The following WIZ variants were observed in gnomAD, a reference collection of about 807,000 sequenced individuals.
WIZ encodes the protein protein Wiz.
WIZ carries 25 observed loss-of-function variants against 140.2 expected under a neutral mutation model. The observed-to-expected ratio is 0.18, with a 90% confidence interval of 0.13 to 0.25. The LOEUF is 0.25. Ranked by LOEUF, WIZ falls within the 10% of genes least tolerant of loss-of-function variation. The pLI is 1.00. For missense variants in WIZ, 2,231 were observed against 2,632.6 expected (o/e 0.85, Z 3.34); for synonymous variants, 1,125 against 1,154.3 (o/e 0.97, Z 0.51).
Position 15,440,488 on chromosome 19 carries a change from C to A in WIZ, c.506G>T (p.Gly169Val), listed in dbSNP as rs975492324. ...ATGTTTCTCCAAAAGCCTTGGTTCCCCCCGGTGGTGTAAGAACCTTCTAGA... is the reference window on the plus strand; with the variant it reads ...ATGTTTCTCCAAAAGCCTTGGTTCCACCCGGTGGTGTAAGAACCTTCTAGA... ...EGSRRFLHHR[G>V]EPRLLEKHAQ... The change falls in exon 4 of 13, where the codon GGG (glycine) becomes GTG (valine). Residue 169 changes from glycine to valine, a missense_variant. Physicochemically the swap from Gly to Val is moderately radical, Grantham distance 109. Transcript: ENST00000673675. This position sits in a 1 kb window ranked among gnomAD's most constrained non-coding sequence, Gnocchi z 6.2. The A allele has an allele frequency of 2.0e-6, 3 of 1,536,092 alleles. No homozygotes were observed. Among genetic ancestry groups the A allele is most frequent in the Non-Finnish European group, 1.7e-6 (2 of 1,146,888 alleles).
At position 15,441,150 on chromosome 19, in the gene WIZ, C is replaced by A. The variant is rs146102346; in HGVS notation, c.279-435G>T. 2.9e-3 allele frequency among the ~76,000 whole-genome samples: 438 copies of A among 152,318 alleles called. 2 individuals carry two copies. The highest frequency in any genetic ancestry group is 4.7e-3 in the Non-Finnish European group (317 of 68,020). The stretch of plus-strand genomic sequence containing the variant: ...TTGCTAATTTAGTTTCACCTCTCCC[C>A]CAGATTTGGCGATTAACTTTGTGGC... On this transcript the variant is annotated intron_variant, in intron 3 of 12. Transcript: ENST00000673675.
Position 15,437,061 on chromosome 19 carries a change from G to A in WIZ, c.2485C>T (p.Arg829Trp). Residue 829 changes from arginine (R) to tryptophan (W), a missense_variant, in exon 5 of 13, where the codon CGG (arginine) becomes TGG (tryptophan). By Grantham distance (101) the Arg-to-Trp change is moderately radical. This residue lies in a region of WIZ where 118 missense variants were observed against 209.1 expected (regional missense o/e 0.56). Coordinates refer to ENST00000673675, the MANE Select transcript of WIZ (RefSeq NM_001371589.1). ...CGGGCGTGGCTGGAGAGGCCGGCCC[G>A]TGTGTCGAAGCCAGCCCCGCAGAAG... ...CDFCGAGFDT[R>W]AGLSSHARAH... The A allele has an allele frequency of 6.2e-7, 1 of 1,613,194 alleles. No individual in the cohort carries two copies. The highest frequency in any genetic ancestry group is 8.5e-7 in the Non-Finnish European group (1 of 1,179,668).
chr19:15,436,934 G>C lies in WIZ; in HGVS notation c.2612C>G (p.Pro871Arg). The C allele has an allele frequency of 6.2e-7, 1 of 1,613,564 alleles. No individual in the cohort carries two copies. The highest frequency in any genetic ancestry group is 1.1e-5 in the South Asian group (1 of 91,012). The change falls in exon 5 of 13, where the codon CCC (proline) becomes CGC (arginine). Residue 871 changes from proline (P) to arginine (R), a missense_variant. This residue lies in a region of WIZ where 137 missense variants were observed against 135.8 expected (regional missense o/e 1.01). Coordinates refer to ENST00000673675, the MANE Select transcript of WIZ (RefSeq NM_001371589.1). ...LLATSAAEQP[P>R]SPLGREPGGP... The stretch of plus-strand genomic sequence containing the variant: ...CCCAGGCTCTCGGCCCAGGGGGCTG[G>C]GGGGCTGCTCAGCAGCAGAGGTGGC...
chr19:15,449,660 G>A (rs1007621410), intron 1 of WIZ, 138 bp downstream of exon 1: 3 of 126,422 alleles, frequency 2.4e-5, no homozygotes, highest in African/African-American at 5.9e-5. Flanking sequence ...CCCGCCCCCG[G>A]CCAGGCCCCG....
chr19:15,440,445 C>T lies in WIZ; in HGVS notation c.549G>A (p.Arg183=). ...LLEKHAQGRP[R]FDWLQDEDEQ... Reference sequence around the variant, plus strand: ...CGTCCTCATCTTGGAGCCAGTCGAACCTGGGGCGGCCCTGGGCATGTTTCT... The same window carrying T: ...CGTCCTCATCTTGGAGCCAGTCGAATCTGGGGCGGCCCTGGGCATGTTTCT... The change falls in exon 4 of 13, where the codon AGG becomes AGA. Residue 183 remains arginine (R), a synonymous_variant. Coordinates refer to ENST00000673675, the MANE Select transcript of WIZ (RefSeq NM_001371589.1). This position sits in a 1 kb window ranked among gnomAD's most constrained non-coding sequence, Gnocchi z 6.2. 5.2e-6 allele frequency: 8 copies of T among 1,536,106 alleles called. No homozygotes were observed. Among genetic ancestry groups the T allele is most frequent in the Non-Finnish European group, 7.0e-6 (8 of 1,146,882 alleles).
intron 2 of WIZ, among the ~76,000 whole-genome samples, chr19:15,444,852 C>T (rs1446691143): frequency 6.6e-6 from 1 of 152,204 alleles, no homozygotes; most frequent in African/African-American, 2.4e-5. Flanking sequence ...GGTTCTAGGA[C>T]CCCAAGCTCC....
At position 15,422,993 on chromosome 19, in the gene WIZ, G is replaced by A; in HGVS notation, c.*83C>T. ...TGGCTTGCTCCTTTGGAAACGGAAA[G>A]AAAGAGGAAGAGGGACAAGGACACA... On this transcript the variant is annotated 3_prime_UTR_variant, in exon 13 of 13. Transcript: ENST00000673675. 2 of 1,537,750 alleles carry A rather than the reference G, an allele frequency of 1.3e-6. No homozygotes were observed. The highest frequency in any genetic ancestry group is 1.8e-6 in the Non-Finnish European group (2 of 1,142,750).
rs757239626 is a variant in WIZ, at chr19:15,427,498, C to T, written c.3850G>A (p.Glu1284Lys). 5 of 1,611,506 alleles carry T rather than the reference C, an allele frequency of 3.1e-6. No individual in the cohort carries two copies. The highest frequency in any genetic ancestry group is 2.2e-5 in the South Asian group (2 of 91,050). The change falls in exon 9 of 13, where the codon GAG (glutamate) becomes AAG (lysine). Residue 1284 changes from glutamate to lysine, a missense_variant. Around this residue, in one of 15 missense-constraint regions of WIZ, gnomAD observed 141 missense variants for 161.2 expected, o/e 0.87. Coordinates refer to ENST00000673675, the MANE Select transcript of WIZ (RefSeq NM_001371589.1). The surrounding 1 kb of genome is among the most constrained non-coding windows in gnomAD (Gnocchi z 6.4). ...GPEPARDIRC[E>K]FCGEFFENRK... ...TTCTCGAAGAACTCACCACAGAACT[C>T]GCAGCGGATGTCTCGTGCTGGCTCT...
At chr19:15,423,267 A>G (rs1968490744) in intron 12 of WIZ, 32 bp from the exon 13 acceptor site, 2 of 1,609,610 alleles carry the variant, frequency 1.2e-6, no homozygotes, top group South Asian at 1.1e-5. Context: ...GGGAGTGGCC[A>G]GTGCTGTGAG....
chr19:15,424,218 G>A lies in WIZ; in HGVS notation c.5475C>T (p.Val1825=). 1.3e-6 allele frequency: 2 copies of A among 1,570,570 alleles called. No homozygotes were observed. The highest frequency in any genetic ancestry group is 1.9e-5 in the Admixed American group (1 of 51,468). The change falls in exon 12 of 13, where the codon GTC becomes GTT. Residue 1825 remains valine (V), a synonymous_variant. Transcript: ENST00000673675. This position sits in a 1 kb window ranked among gnomAD's most constrained non-coding sequence, Gnocchi z 9.7. ...GGGTGTAGATGTTGCCCACGAACTT[G>A]ACAAGTGATGTCTGGGGGGGCCGGG... ...LVPRPPQTSL[V]KFVGNIYTLK...
rs1476360273 is a variant in WIZ at position 15,427,535 on chromosome 19, T to C, written c.3815-2A>G. Reference sequence around the variant, plus strand: ...CTCGTGCTGGCTCTGGGCCTGAGGCTGCAGCAGGAGGAGAAAGGGGCAGTT... The same window carrying C: ...CTCGTGCTGGCTCTGGGCCTGAGGCCGCAGCAGGAGGAGAAAGGGGCAGTT... On this transcript the variant is annotated splice_acceptor_variant, in intron 8 of 12. Transcript: ENST00000673675. LOFTEE classifies it high-confidence loss of function. The surrounding 1 kb of genome is among the most constrained non-coding windows in gnomAD (Gnocchi z 6.4). 1 of 1,602,310 alleles carries C rather than the reference T, an allele frequency of 6.2e-7. No homozygotes were observed. The highest frequency in any genetic ancestry group is 1.7e-5 in the Admixed American group (1 of 59,788).
intron 5 of WIZ, among the ~76,000 whole-genome samples, chr19:15,434,137 A>T (rs1393574639): frequency 6.6e-6 from 1 of 152,094 alleles, no homozygotes; most frequent in Non-Finnish European, 1.5e-5. Context: ...GGGCGCCTGT[A>T]ATCCCAGCTA....
chr19:15,429,497 C>A, intron 7 of WIZ, 89 bp downstream of exon 7: 1 of 1,105,822 alleles, frequency 9.0e-7, no homozygotes, highest in Non-Finnish European at 1.2e-6. Flanking sequence ...CCCACCCACC[C>A]TGGGCCCTGT....
At position 15,439,087 on chromosome 19, in the gene WIZ, G is replaced by T. The variant is rs745916399; in HGVS notation, c.1907C>A (p.Pro636His). The change falls in exon 4 of 13, where the codon CCT becomes CAT. Residue 636 changes from proline to histidine, a missense_variant. Pro to His is a moderately conservative substitution (Grantham distance 77). Coordinates refer to ENST00000673675, the MANE Select transcript of WIZ (RefSeq NM_001371589.1). This position sits in a 1 kb window ranked among gnomAD's most constrained non-coding sequence, Gnocchi z 7.0. ...VVLTSEMDFS[P>H]ENGVFSPLAT... The stretch of plus-strand genomic sequence containing the variant: ...TAGGGGTGAAAAGACCCCATTTTCA[G>T]GGGAAAAATCCATCTCGGAGGTCAG... 2 of 1,485,934 alleles carry T rather than the reference G, an allele frequency of 1.3e-6. No individual in the cohort carries two copies. Among genetic ancestry groups the T allele is most frequent in the African/African-American group, 1.4e-5 (1 of 71,196 alleles). The allele number at this position is 1,485,934 out of a possible 1,614,324, so 92.0% of individuals were successfully genotyped here. A position where few individuals can be genotyped will look rare whatever the true frequency, so the allele number is the denominator to read the frequency against.
At position 15,424,240 on chromosome 19, in the gene WIZ, C is replaced by A. The variant is rs764277925; in HGVS notation, c.5453G>T (p.Arg1818Leu). The A allele has an allele frequency of 2.5e-6, 4 of 1,582,564 alleles. No individual in the cohort carries two copies. Among genetic ancestry groups the A allele is most frequent in the Admixed American group, 1.9e-5 (1 of 53,160 alleles). ...RVRPVPSLVP[R>L]PPQTSLVKFV... is the part of the protein sequence containing the mutation. ...CTTGACAAGTGATGTCTGGGGGGGC[C>A]GGGGCACCAGGGAGGGGACTGGCCG... is the stretch of plus-strand genomic sequence containing the variant. Residue 1818 changes from arginine to leucine, a missense_variant, in exon 12 of 13, where the codon CGG (arginine) becomes CTG (leucine). Around this residue, in one of 15 missense-constraint regions of WIZ, gnomAD observed 299 missense variants for 309.6 expected, o/e 0.97. Coordinates refer to ENST00000673675, the MANE Select transcript of WIZ (RefSeq NM_001371589.1). The surrounding 1 kb of genome is among the most constrained non-coding windows in gnomAD (Gnocchi z 9.7).
At position 15,442,861 on chromosome 19, in the gene WIZ, G is replaced by A. The variant is rs1812998860; in HGVS notation, c.206-113C>T. 2 of 560,982 alleles carry A rather than the reference G, an allele frequency of 3.6e-6. No individual in the cohort carries two copies. Among genetic ancestry groups the A allele is most frequent in the Non-Finnish European group, 2.7e-6 (1 of 375,052 alleles). The allele number at this position is 560,982 out of a possible 1,614,324, so 34.8% of individuals were successfully genotyped here. A position where few individuals can be genotyped will look rare whatever the true frequency, so the allele number is the denominator to read the frequency against. On this transcript the variant is annotated intron_variant, in intron 2 of 12. Coordinates refer to ENST00000673675, the MANE Select transcript of WIZ (RefSeq NM_001371589.1). The surrounding 1 kb of genome is among the most constrained non-coding windows in gnomAD (Gnocchi z 5.5). ...CTCAGAAAGGCCCTGCTGGCTCCCA[G>A]TTCCTCTCCCTGAGAGGCCCGTGGC...
At position 15,440,149 on chromosome 19, in the gene WIZ, G is replaced by A; in HGVS notation, c.845C>T (p.Pro282Leu). ...CAGGTAGGGCCCGGTCCGGATCGGG[G>A]GCAGTAGCGGCTGCAGCCGCTCCAC... ...ASVERLQPLLPPIRTGPYLCE... is the reference protein window; with the variant it reads ...ASVERLQPLLLPIRTGPYLCE... Residue 282 changes from proline to leucine, a missense_variant, in exon 4 of 13, where the codon CCC becomes CTC. Coordinates refer to ENST00000673675, the MANE Select transcript of WIZ (RefSeq NM_001371589.1). This position sits in a 1 kb window ranked among gnomAD's most constrained non-coding sequence, Gnocchi z 6.2. 1.3e-6 allele frequency: 2 copies of A among 1,532,628 alleles called. No homozygotes were observed. The highest frequency in any genetic ancestry group is 1.7e-6 in the Non-Finnish European group (2 of 1,145,318). The allele number at this position is 1,532,628 out of a possible 1,614,324, so 94.9% of individuals were successfully genotyped here.
At chr19:15,445,625 C>T (rs1015151959) in intron 2 of WIZ, among the ~76,000 whole-genome samples, 2 of 152,128 alleles carry the variant, frequency 1.3e-5, no homozygotes, top group Non-Finnish European at 2.9e-5. Context: ...TCATTTGTCC[C>T]TGGGTGCCCT....
chr19:15,433,445 G>A, intron 5 of WIZ: 1 of 739,714 alleles, frequency 1.4e-6, no homozygotes, highest in Non-Finnish European at 1.7e-6. Context: ...CCCAGACCTA[G>A]CCCTAATGTT....
Sources: allele counts gnomAD v4.1 joint callset (sites outside exome capture counted in the v4.1 genomes callset), GRCh38; gene constraint gnomAD v4.1.1; regional missense constraint gnomAD v4.1.1; non-coding constraint Gnocchi (gnomAD v3.1); transcripts MANE v1.5; gene names NCBI Gene and HGNC (gene_info 2026-07-23, HGNC 2026-07-21).